Variants in AKT3 observed in about 807,000 individuals in gnomAD.
The protein encoded by AKT3 is RAC-gamma serine/threonine-protein kinase.
In AKT3, 15 loss-of-function variants were observed where a neutral mutation model predicts 65.3. The observed-to-expected ratio is 0.23, with a 90% CI of 0.15 to 0.35. The LOEUF (loss-of-function observed/expected upper bound fraction) is 0.35. Among genes scored for constraint, AKT3 ranks in the 10% least tolerant of loss-of-function variants. AKT3 has a pLI of 1.00. For missense variants in AKT3, 243 were observed against 576.5 expected (o/e 0.42, Z 5.92); for synonymous variants, 206 against 183.8 (o/e 1.12, Z -0.98).
Position 243,560,610 on chromosome 1 carries a change from T to C in AKT3, c.948+3110A>G, listed in dbSNP as rs535813655. 2.0e-5 allele frequency among the ~76,000 whole-genome samples: 3 copies of C among 152,256 alleles called. No homozygotes were observed. The South Asian group carries it at 6.2e-4, about 32-fold the overall frequency. On this transcript the variant is annotated intron_variant, in intron 10 of 13. Transcript: ENST00000673466. ...AATGTGTATCCACCAAGGATGGGTATACAAACTGTTTTTAAAGACCAGACT... is the reference window on the plus strand; with the variant it reads ...AATGTGTATCCACCAAGGATGGGTACACAAACTGTTTTTAAAGACCAGACT...
In AKT3 at chr1:243,615,164, A is replaced by G. The variant is rs1678198543; in HGVS notation, c.562-3T>C. On this transcript the variant is annotated splice_polypyrimidine_tract_variant and splice_region_variant and intron_variant, in intron 6 of 13. Coordinates refer to ENST00000673466, the MANE Select transcript of AKT3 (RefSeq NM_005465.7). ...GTTAGAGTGTGTGCCACTTCATCCTACAAAAGAAAAAAAGCAAACCTTCAA... is the reference window on the plus strand; with the variant it reads ...GTTAGAGTGTGTGCCACTTCATCCTGCAAAAGAAAAAAAGCAAACCTTCAA... The G allele has an allele frequency of 6.2e-7, 1 of 1,603,452 alleles. No homozygotes were observed. The highest frequency in any genetic ancestry group is 8.5e-7 in the Non-Finnish European group (1 of 1,174,092).
chr1:243,627,940 A>G (rs576421637), intron 6 of AKT3, among the ~76,000 whole-genome samples: 2 of 152,354 alleles, frequency 1.3e-5, no homozygotes, highest in African/African-American at 2.4e-5. Flanking sequence ...CAGTGGCTCA[A>G]TTAATGCCTT....
chr1:243,718,653 T>TC (rs1686675318), intron 2 of AKT3, among the ~76,000 whole-genome samples: 1 of 151,430 alleles, frequency 6.6e-6, no homozygotes, highest in Admixed American at 6.6e-5. Context: ...ATTTTTTTTT[T>TC]CAGTAGAGAC....
At chr1:243,763,753 C>G (rs1689642389) in intron 2 of AKT3, among the ~76,000 whole-genome samples, 1 of 152,012 alleles carries the variant, frequency 6.6e-6, no homozygotes, top group Admixed American at 6.6e-5. Flanking sequence ...TATTACTGAC[C>G]AGTGTCTTTG....
At chr1:243,809,085 T>C (rs1170666620) in intron 2 of AKT3, among the ~76,000 whole-genome samples, 1 of 152,088 alleles carries the variant, frequency 6.6e-6, no homozygotes, top group Non-Finnish European at 1.5e-5. Flanking sequence ...ACATGCCAAA[T>C]TGTAAAGACC....
Position 243,627,957 on chromosome 1 carries a change from C to T in AKT3, c.561+9654G>A, listed in dbSNP as rs1391858826. Among the ~76,000 whole-genome samples, 3 of 152,242 alleles carry T rather than the reference C, an allele frequency of 2.0e-5. No homozygotes were observed. In the East Asian group the frequency reaches 5.8e-4, roughly 29 times the overall value. On this transcript the variant is annotated intron_variant, in intron 6 of 13. Coordinates refer to ENST00000673466, the MANE Select transcript of AKT3 (RefSeq NM_005465.7). ...GTGGCTCAATTAATGCCTTTGGGTCCTTACGATATACACTCAGATATGATT... is the reference window on the plus strand; with the variant it reads ...GTGGCTCAATTAATGCCTTTGGGTCTTTACGATATACACTCAGATATGATT...
chr1:243,596,989 T>C (rs1466514932), intron 8 of AKT3, among the ~76,000 whole-genome samples: 1 of 152,182 alleles, frequency 6.6e-6, no homozygotes, highest in African/African-American at 2.4e-5. Context: ...TTTAAAAAGA[T>C]GAATCAAATC....
At chr1:243,787,885 C>T (rs1691363182) in intron 2 of AKT3, among the ~76,000 whole-genome samples, 1 of 152,074 alleles carries the variant, frequency 6.6e-6, no homozygotes, top group South Asian at 2.1e-4. Flanking sequence ...AATCTTCTTC[C>T]TAAAAACACC....
intron 3 of AKT3, 57 bp downstream of exon 3, chr1:243,695,534 C>G: frequency 6.8e-7 from 1 of 1,471,060 alleles, no homozygotes; most frequent in South Asian, 1.3e-5. Flanking sequence ...ATATCTGACA[C>G]ATAAAATCAT....
intron 10 of AKT3, among the ~76,000 whole-genome samples, chr1:243,553,965 A>G (rs1451844808): frequency 6.6e-6 from 1 of 152,178 alleles, no homozygotes; most frequent in Non-Finnish European, 1.5e-5. Context: ...GAATTTATCA[A>G]TTTAAAAACA....
At chr1:243,832,954 A>G (rs1012400085) in intron 2 of AKT3, among the ~76,000 whole-genome samples, 4 of 152,168 alleles carry the variant, frequency 2.6e-5, no homozygotes, top group African/African-American at 7.2e-5. Flanking sequence ...GTCCATTTTC[A>G]TACTGCTATA....
intron 2 of AKT3, among the ~76,000 whole-genome samples, chr1:243,835,133 A>AT (rs1224371885): frequency 6.6e-5 from 10 of 152,100 alleles, no homozygotes; most frequent in Non-Finnish European, 1.5e-4. Flanking sequence ...TGAACTGGAA[A>AT]TTTTTTTGCC....
intron 6 of AKT3, among the ~76,000 whole-genome samples, chr1:243,615,938 C>T (rs1364958341): frequency 1.3e-5 from 2 of 151,874 alleles, no homozygotes; most frequent in African/African-American, 2.4e-5. Context: ...TAGGGTCTTG[C>T]TATGTTGCCC....
intron 2 of AKT3, among the ~76,000 whole-genome samples, chr1:243,812,635 A>G (rs1352108353): frequency 6.6e-6 from 1 of 152,214 alleles, no homozygotes; most frequent in African/African-American, 2.4e-5. Context: ...ATCTAGAACT[A>G]GAAATACCAT....
downstream of AKT3, among the ~76,000 whole-genome samples, chr1:243,495,207 C>T (rs778930917): frequency 3.3e-5 from 5 of 152,224 alleles, no homozygotes; most frequent in East Asian, 1.9e-4. Context: ...GCCTCCACCC[C>T]GGCCTCATGT....
At chr1:243,634,821 C>T (rs907052804) in intron 6 of AKT3, among the ~76,000 whole-genome samples, 2 of 151,748 alleles carry the variant, frequency 1.3e-5, no homozygotes, top group Admixed American at 1.3e-4. Context: ...GAAAGAACTG[C>T]AGAAAGCAAT....
intron 13 of AKT3, among the ~76,000 whole-genome samples, chr1:243,493,885 A>T (rs1166203076): frequency 6.6e-6 from 1 of 151,868 alleles, no homozygotes; most frequent in East Asian, 1.9e-4. Flanking sequence ...CTGGAAGCAA[A>T]GGGAGAAGGG....
rs549532932 is a variant in AKT3 at position 243,500,155 on chromosome 1, A to G, written c.*5094T>C. On this transcript the variant is annotated 3_prime_UTR_variant, in exon 14 of 14. Coordinates refer to ENST00000673466, the MANE Select transcript of AKT3 (RefSeq NM_005465.7). The stretch of plus-strand genomic sequence containing the variant: ...AACAAAACACACCAAAAAGGCACAT[A>G]TTTTAACTAGGCCAAAGTATATTAA... The G allele has an allele frequency of 1.0e-5, 3 of 298,048 alleles. No individual in the cohort carries two copies. In the East Asian group the frequency reaches 1.5e-4, roughly 15 times the overall value. The allele number at this position is 298,048 out of a possible 1,614,324, so 18.5% of individuals were successfully genotyped here.
chr1:243,845,066 T>C (rs1214772035), intron 1 of AKT3, among the ~76,000 whole-genome samples: 2 of 152,160 alleles, frequency 1.3e-5, no homozygotes, highest in Admixed American at 1.3e-4. Flanking sequence ...ACATAGCAGT[T>C]AAGTTCAGTG....
Sources: allele counts gnomAD v4.1 joint callset (sites outside exome capture counted in the v4.1 genomes callset), GRCh38; gene constraint gnomAD v4.1.1; transcripts MANE v1.5; gene names NCBI Gene and HGNC (gene_info 2026-07-23, HGNC 2026-07-21).